Variants in ARIH1 observed in about 807,000 individuals in gnomAD.
ARIH1 encodes ariadne RBR E3 ubiquitin protein ligase 1.
Under a neutral mutation model 85.0 loss-of-function variants are expected in ARIH1, and 8 were observed. That is an observed-to-expected ratio of 0.09 (90% CI 0.06 to 0.17). The LOEUF is 0.17. ARIH1 is among the 10% of genes least tolerant of loss of function. The probability of loss-of-function intolerance (pLI) is 1.00; values close to 1 mark genes in which losing one functional copy is unlikely to be tolerated. For missense variants in ARIH1, 311 were observed against 718.1 expected (o/e 0.43, Z 6.48); for synonymous variants, 238 against 253.6 (o/e 0.94, Z 0.59).
intron 2 of ARIH1, 76 bp downstream of exon 2, chr15:72,518,210 G>A (rs1028030952): frequency 1.5e-5 from 19 of 1,265,024 alleles, no homozygotes; most frequent in Non-Finnish European, 1.7e-5. Context: ...CAAGAATCAA[G>A]TAAGGGAATT....
intron 11 of ARIH1, among the ~76,000 whole-genome samples, chr15:72,574,901 C>T: frequency 8.1e-6 from 1 of 123,978 alleles, no homozygotes; most frequent in South Asian, 3.3e-4. Context: ...AAGACCCCCC[C>T]GCCGCCCCCG....
At chr15:72,580,539 C>T (rs1389279225) in intron 11 of ARIH1, 192 bp from the exon 12 acceptor site, 3 of 580,876 alleles carry the variant, frequency 5.2e-6, no homozygotes, top group Non-Finnish European at 8.7e-6. Context: ...TACTAATTTA[C>T]ATTCCCATCA....
chr15:72,583,352 A>G lies in ARIH1; in HGVS notation c.*60A>G. Reference sequence around the variant, plus strand: ...TACCATCTAGAGTGCTCATGCAATTAAAACAAAACAAACACAAACAAGGAG... The same window carrying G: ...TACCATCTAGAGTGCTCATGCAATTGAAACAAAACAAACACAAACAAGGAG... On this transcript the variant is annotated 3_prime_UTR_variant, in exon 14 of 14. Transcript: ENST00000379887. 7.3e-7 allele frequency: 1 copy of G among 1,373,222 alleles called. No individual in the cohort carries two copies. The highest frequency in any genetic ancestry group is 1.0e-6 in the Non-Finnish European group (1 of 972,532). 85.1% of individuals were successfully genotyped at this position (1,373,222 alleles called of 1,614,324 possible).
intron 11 of ARIH1, among the ~76,000 whole-genome samples, chr15:72,578,797 C>G (rs1282360953): frequency 5.9e-5 from 8 of 136,426 alleles, no homozygotes; most frequent in Non-Finnish European, 1.6e-5. Flanking sequence ...TTAAATTTTG[C>G]TTTTTTTTGT....
At chr15:72,541,892 G>T (rs1207721049) in intron 2 of ARIH1, among the ~76,000 whole-genome samples, 1 of 152,190 alleles carries the variant, frequency 6.6e-6, no homozygotes, top group African/African-American at 2.4e-5. Flanking sequence ...AATGTTGTAA[G>T]TGCTGCAAAG....
At chr15:72,547,973 C>T (rs932523230) in intron 3 of ARIH1, among the ~76,000 whole-genome samples, 2 of 152,174 alleles carry the variant, frequency 1.3e-5, no homozygotes, top group African/African-American at 4.8e-5. Context: ...TTGAGATTTA[C>T]AGTGTAAATT....
intron 9 of ARIH1, among the ~76,000 whole-genome samples, chr15:72,567,835 T>C (rs2064227672): frequency 6.6e-6 from 1 of 152,206 alleles, no homozygotes; most frequent in Admixed American, 6.5e-5. Context: ...GGTTGGTTCA[T>C]GGGCTATTCA....
At chr15:72,487,545 A>G (rs746978681) in intron 1 of ARIH1, among the ~76,000 whole-genome samples, 3 of 152,170 alleles carry the variant, frequency 2.0e-5, no homozygotes, top group Non-Finnish European at 4.4e-5. Flanking sequence ...CTCAAATTTA[A>G]TACCTTCTCT....
chr15:72,541,075 C>G (rs1193514684), intron 2 of ARIH1, among the ~76,000 whole-genome samples: 3 of 152,126 alleles, frequency 2.0e-5, no homozygotes, highest in African/African-American at 7.2e-5. Context: ...GCCTGGAGCT[C>G]TGGGAGCCCA....
At chr15:72,548,411 A>C (rs1479981186) in intron 3 of ARIH1, among the ~76,000 whole-genome samples, 1 of 152,190 alleles carries the variant, frequency 6.6e-6, no homozygotes, top group African/African-American at 2.4e-5. Flanking sequence ...GTGAGGTAGG[A>C]TGGGAAACCA....
chr15:72,497,554 G>A (rs2063884840), intron 1 of ARIH1, among the ~76,000 whole-genome samples: 2 of 152,050 alleles, frequency 1.3e-5, no homozygotes, highest in Admixed American at 6.6e-5. Flanking sequence ...TTAATCATAC[G>A]TTGCAAACAC....
In ARIH1 at chr15:72,599,737, G is replaced by A. The variant is rs1192851837; in HGVS notation, c.*16445G>A. On this transcript the variant is annotated 3_prime_UTR_variant, in exon 14 of 14. Transcript: ENST00000379887. ...AACAACCTGAGGACTTTTACAGGCTGCATAATATGTCTTAATATGGATGTA... is the reference window on the plus strand; with the variant it reads ...AACAACCTGAGGACTTTTACAGGCTACATAATATGTCTTAATATGGATGTA... 1.3e-5 allele frequency: 2 copies of A among 152,158 alleles called. No individual in the cohort carries two copies. The highest frequency in any genetic ancestry group is 1.3e-4 in the Admixed American group (2 of 15,282). 9.4% of individuals were successfully genotyped at this position (152,158 alleles called of 1,614,324 possible). A position where few individuals can be genotyped will look rare whatever the true frequency, so the allele number is the denominator to read the frequency against.
intron 1 of ARIH1, among the ~76,000 whole-genome samples, chr15:72,482,883 C>T (rs1162355258): frequency 6.7e-6 from 1 of 150,080 alleles, no homozygotes; most frequent in Non-Finnish European, 1.5e-5. Flanking sequence ...CTGTGGTGCC[C>T]AGGCTGGAGT....
intron 2 of ARIH1, among the ~76,000 whole-genome samples, chr15:72,525,158 T>C (rs750920676): frequency 6.6e-6 from 1 of 152,206 alleles, no homozygotes; most frequent in Non-Finnish European, 1.5e-5. Flanking sequence ...CCCAGAGTGC[T>C]GGGATTATAG....
chr15:72,494,309 G>A lies in ARIH1; in HGVS notation c.375+19295G>A, dbSNP rs1428923271. On this transcript the variant is annotated intron_variant, in intron 1 of 13. Transcript: ENST00000379887. ...CTTTGTTTCATAGTAGAAGCATAAG[G>A]TCGAGAAGGAATATTTAATGCTCTT... 3.3e-5 allele frequency among the ~76,000 whole-genome samples: 5 copies of A among 152,148 alleles called. No homozygotes were observed. In the East Asian group the frequency reaches 9.6e-4, roughly 29 times the overall value.
intron 11 of ARIH1, among the ~76,000 whole-genome samples, chr15:72,579,310 A>G (rs990750426): frequency 1.3e-5 from 2 of 152,054 alleles, no homozygotes; most frequent in Admixed American, 6.6e-5. Context: ...AGGTTCTTCT[A>G]TCCCTGCATT....
chr15:72,502,194 T>G (rs2063906765), intron 1 of ARIH1, among the ~76,000 whole-genome samples: 1 of 152,212 alleles, frequency 6.6e-6, no homozygotes, highest in Non-Finnish European at 1.5e-5. Flanking sequence ...TGATTATACA[T>G]AGTGATAACA....
Position 72,536,937 on chromosome 15 carries a change from G to T in ARIH1, c.444-7883G>T, listed in dbSNP as rs533665859. 7.0e-4 allele frequency among the ~76,000 whole-genome samples: 106 copies of T among 151,884 alleles called. 2 individuals carry two copies. In the South Asian group the frequency reaches 0.021, roughly 30 times the overall value. Reference sequence around the variant, plus strand: ...TTAGGCTAATAAGAAAAATCTTATGGCCTCAAAAAGTATTCTACTTTTTCT... The same window carrying T: ...TTAGGCTAATAAGAAAAATCTTATGTCCTCAAAAAGTATTCTACTTTTTCT... On this transcript the variant is annotated intron_variant, in intron 2 of 13. Transcript: ENST00000379887.
rs1170470788 is a variant in ARIH1, at chr15:72,601,274, A to G, written c.*17982A>G. The stretch of plus-strand genomic sequence containing the variant: ...CCAATTCAGTCTCTACTCATGAGCT[A>G]ACATGAGTTTATTAAGTGTTCATTC... On this transcript the variant is annotated 3_prime_UTR_variant, in exon 14 of 14. Transcript: ENST00000379887. 6.6e-6 allele frequency: 1 copy of G among 152,248 alleles called. No homozygotes were observed. Among genetic ancestry groups the G allele is most frequent in the African/African-American group, 2.4e-5 (1 of 41,466 alleles). 9.4% of individuals were successfully genotyped at this position (152,248 alleles called of 1,614,324 possible).
Sources: gnomAD v4.1 joint callset for allele counts (sites outside exome capture counted in the v4.1 genomes callset) on GRCh38, gnomAD v4.1.1 for gene constraint, MANE v1.5 for transcripts, NCBI Gene and HGNC (gene_info 2026-07-23, HGNC 2026-07-21) for gene names.